Variants in ZNF493 observed in about 807,000 individuals in gnomAD.
ZNF493 encodes the protein zinc finger protein 493.
ZNF493 carries 11 observed loss-of-function variants against 12.2 expected under a neutral mutation model. The ratio of observed to expected loss-of-function variants is 0.90; its 90% confidence interval spans 0.57 to 1.50. The LOEUF is 1.50. ZNF493 is among the 40% of genes most tolerant of loss of function. ZNF493 has a pLI of 0.00. For missense variants in ZNF493, 950 were observed against 906.6 expected (o/e 1.05, Z -0.61); for synonymous variants, 286 against 302.6 (o/e 0.95, Z 0.57).
chr19:21,409,932 A>C (rs1400248672), intron 3 of ZNF493, among the ~76,000 whole-genome samples: 1 of 152,030 alleles, frequency 6.6e-6, no homozygotes, highest in Non-Finnish European at 1.5e-5. Context: ...ACTACTTAAG[A>C]TATATAAGCG....
rs537168223 is a variant in ZNF493 at position 21,411,256 on chromosome 19, A to T, written c.253+5400A>T. Among the ~76,000 whole-genome samples, 153 of 152,290 alleles carry T rather than the reference A, an allele frequency of 1.0e-3. 1 individual carries two copies. The highest frequency in any genetic ancestry group is 3.4e-3 in the Middle Eastern group (1 of 294). On this transcript the variant is annotated intron_variant, in intron 3 of 3. Transcript: ENST00000392288. ...CAAAAGATCATGTAATCATATACAG[A>T]AGGCTTCATTTCTGGGCTCTCTGTT... is the stretch of plus-strand genomic sequence containing the variant.
intron 1 of ZNF493, among the ~76,000 whole-genome samples, chr19:21,401,993 A>T (rs973617484): frequency 6.7e-6 from 1 of 149,980 alleles, no homozygotes; most frequent in African/African-American, 2.5e-5. Context: ...TTTGAGATGG[A>T]GTCTCGCTCT....
chr19:21,400,730 G>T (rs1003025818), intron 1 of ZNF493, among the ~76,000 whole-genome samples: 1 of 152,174 alleles, frequency 6.6e-6, no homozygotes, highest in Non-Finnish European at 1.5e-5. Flanking sequence ...TGCAGTTAAG[G>T]TTAAGATAAA....
intron 3 of ZNF493, among the ~76,000 whole-genome samples, chr19:21,410,058 GTGTATA>G (rs1484534259): frequency 0.099 from 13,835 of 139,658 alleles, 812 homozygotes; most frequent in Middle Eastern, 0.24. Flanking sequence ...ATTTCATTGT[GTGTATA>G]TATATATATA....
chr19:21,414,883 T>A (rs1025041202), intron 3 of ZNF493, among the ~76,000 whole-genome samples: 1 of 152,196 alleles, frequency 6.6e-6, no homozygotes, highest in African/African-American at 2.4e-5. Flanking sequence ...TTTCAAAAAC[T>A]GAAACAGTTT....
At chr19:21,414,467 T>C (rs1429513417) in intron 3 of ZNF493, 1 of 152,246 alleles carries the variant, frequency 6.6e-6, no homozygotes, top group Non-Finnish European at 1.5e-5. Context: ...AATCGGCCAT[T>C]TGATTCCCTT....
Position 21,423,892 on chromosome 19 carries a change from C to G in ZNF493, c.1233C>G (p.Gly411=), listed in dbSNP as rs144070983. 1.6e-4 allele frequency: 258 copies of G among 1,613,168 alleles called. No individual in the cohort carries two copies. In the African/African-American group the frequency reaches 3.2e-3, roughly 20 times the overall value. Residue 411 remains glycine, a synonymous_variant, in exon 4 of 4, where the codon GGC becomes GGG. Coordinates refer to ENST00000392288, the MANE Select transcript of ZNF493 (RefSeq NM_001076678.3). ...AATCCCACAGATGTGAAGAATGTGG[C>G]AAAGCTTATAAGGAGTCTTCACACC... ...EEKSHRCEEC[G]KAYKESSHLT...
At chr19:21,403,113 G>A (rs114825022) in intron 1 of ZNF493, among the ~76,000 whole-genome samples, 3,043 of 152,278 alleles carry the variant, frequency 0.02, 96 homozygotes, top group African/African-American at 0.067. Context: ...GAATTGTGTC[G>A]GGATTACATG....
chr19:21,425,689 A>G lies in ZNF493; in HGVS notation c.*705A>G. The G allele has an allele frequency of 1.3e-6, 1 of 762,686 alleles. No homozygotes were observed. The highest frequency in any genetic ancestry group is 2.2e-6 in the Non-Finnish European group (1 of 457,858). The allele number at this position is 762,686 out of a possible 1,614,324, so 47.2% of individuals were successfully genotyped here. A position where few individuals can be genotyped will look rare whatever the true frequency, so the allele number is the denominator to read the frequency against. Reference sequence around the variant, plus strand: ...ATAATTCATGCTGGAGAGAAACCCTACAAATGTGAAAAATGTGGCAAAGCT... The same window carrying G: ...ATAATTCATGCTGGAGAGAAACCCTGCAAATGTGAAAAATGTGGCAAAGCT... On this transcript the variant is annotated 3_prime_UTR_variant, in exon 4 of 4. Coordinates refer to ENST00000392288, the MANE Select transcript of ZNF493 (RefSeq NM_001076678.3).
At chr19:21,410,486 TTTTCTA>T (rs2030288574) in intron 3 of ZNF493, among the ~76,000 whole-genome samples, 1 of 152,134 alleles carries the variant, frequency 6.6e-6, no homozygotes, top group Non-Finnish European at 1.5e-5. Context: ...CAAATGCTCT[TTTTCTA>T]TATGTGTATC....
At chr19:21,413,017 A>G in intron 3 of ZNF493, 1 of 364,474 alleles carries the variant, frequency 2.7e-6, no homozygotes, top group East Asian at 8.8e-5. Context: ...TTTTGTTCAG[A>G]TCAGCTGAAC....
At position 21,424,038 on chromosome 19, in the gene ZNF493, C is replaced by T. The variant is rs150647777; in HGVS notation, c.1379C>T (p.Pro460Leu). 7.9e-5 allele frequency: 127 copies of T among 1,613,494 alleles called. 1 individual carries two copies. In the African/African-American group the frequency reaches 1.4e-3, roughly 18 times the overall value. The change falls in exon 4 of 4, where the codon CCC becomes CTC. Residue 460 changes from proline to leucine, a missense_variant. Physicochemically the swap from Pro to Leu is moderately conservative, Grantham distance 98 (BLOSUM62 -3). Coordinates refer to ENST00000392288, the MANE Select transcript of ZNF493 (RefSeq NM_001076678.3). ...AAAATAATTCATACAGAAGAGAAACCCTACAAATGTGAAGAATGTGGCAAA... is the reference window on the plus strand; with the variant it reads ...AAAATAATTCATACAGAAGAGAAACTCTACAAATGTGAAGAATGTGGCAAA... Reference protein sequence around the residue: ...KHKIIHTEEKPYKCEECGKAF... With the variant: ...KHKIIHTEEKLYKCEECGKAF...
At chr19:21,415,451 G>A (rs1374235212) in intron 3 of ZNF493, among the ~76,000 whole-genome samples, 2 of 152,126 alleles carry the variant, frequency 1.3e-5, no homozygotes, top group African/African-American at 4.8e-5. Flanking sequence ...GTTCCTTTCT[G>A]TGGCACAATG....
At chr19:21,419,879 T>C (rs1285777745) in intron 3 of ZNF493, among the ~76,000 whole-genome samples, 2 of 151,978 alleles carry the variant, frequency 1.3e-5, no homozygotes, top group African/African-American at 4.8e-5. Context: ...GAAGAGAGAG[T>C]AAAAATGTTC....
chr19:21,416,951 AAGGCTCAC>A (rs2030513295), intron 3 of ZNF493, among the ~76,000 whole-genome samples: 1 of 152,170 alleles, frequency 6.6e-6, no homozygotes, highest in African/African-American at 2.4e-5. Context: ...CCCAAGGCAG[AAGGCTCAC>A]AGGTTTTGCA....
Position 21,424,263 on chromosome 19 carries a change from A to G in ZNF493, c.1604A>G (p.His535Arg), listed in dbSNP as rs1404453951. The part of the protein sequence containing the change: ...AFKRSSTLTI[H>R]KMIHTGEKPY... ...AAACGATCTTCAACCCTTACTATAC[A>G]TAAAATGATTCACACTGGAGAAAAA... The change falls in exon 4 of 4, where the codon CAT (histidine) becomes CGT (arginine). Residue 535 changes from histidine (H) to arginine (R), a missense_variant. Physicochemically the swap from His to Arg is conservative, Grantham distance 29. Coordinates refer to ENST00000392288, the MANE Select transcript of ZNF493 (RefSeq NM_001076678.3). The G allele has an allele frequency of 1.9e-6, 3 of 1,612,530 alleles. No homozygotes were observed. The highest frequency in any genetic ancestry group is 3.3e-5 in the Admixed American group (2 of 59,880).
chr19:21,408,594 A>T (rs940844006), intron 3 of ZNF493: 129 of 985,076 alleles, frequency 1.3e-4, no homozygotes, highest in Non-Finnish European at 1.6e-4. Context: ...TTTTAATGGT[A>T]TATTAATGTT....
intron 1 of ZNF493, among the ~76,000 whole-genome samples, chr19:21,399,722 T>A (rs1188595549): frequency 2.0e-5 from 3 of 152,190 alleles, no homozygotes; most frequent in East Asian, 1.9e-4. Context: ...GTGTTTTTTT[T>A]ATAGCTGGGT....
rs7254059 is a variant in ZNF493, at chr19:21,405,116, G to T, written c.31-13G>T. 830,917 of 1,611,210 alleles carry T rather than the reference G, an allele frequency of 0.52. 216,347 individuals carry two copies. The highest frequency in any genetic ancestry group is 0.64 in the Middle Eastern group (3,852 of 6,052). ...TGTGTGTGTGTGTGTGTGTTTGTGTGTGTTTGTTTCAGGGGCCGTTGACAT... is the reference window on the plus strand; with the variant it reads ...TGTGTGTGTGTGTGTGTGTTTGTGTTTGTTTGTTTCAGGGGCCGTTGACAT... On this transcript the variant is annotated splice_polypyrimidine_tract_variant and intron_variant, in intron 1 of 3. Coordinates refer to ENST00000392288, the MANE Select transcript of ZNF493 (RefSeq NM_001076678.3).
Sources: gnomAD v4.1 joint callset for allele counts (sites outside exome capture counted in the v4.1 genomes callset) on GRCh38, gnomAD v4.1.1 for gene constraint, MANE v1.5 for transcripts, NCBI Gene and HGNC (gene_info 2026-07-23, HGNC 2026-07-21) for gene names.